The following PKNOX2 variants were observed in gnomAD, a reference collection of about 807,000 sequenced individuals.
PKNOX2 encodes homeobox protein PKNOX2.
A neutral mutation model predicts 53.1 loss-of-function variants in PKNOX2; 14 were observed. The ratio of observed to expected loss-of-function variants is 0.26; its 90% confidence interval spans 0.17 to 0.41. The LOEUF is 0.41. PKNOX2 is among the 10% of genes least tolerant of loss of function. The pLI is 1.00. For missense variants in PKNOX2, 496 were observed against 602.8 expected (o/e 0.82, Z 1.85); for synonymous variants, 257 against 242.8 (o/e 1.06, Z -0.54).
chr11:125,298,222 G>A (rs919578910), intron 2 of PKNOX2, among the ~76,000 whole-genome samples: 2 of 152,194 alleles, frequency 1.3e-5, no homozygotes, highest in African/African-American at 4.8e-5. Flanking sequence ...TTCAGACAGG[G>A]GTAGATGAAG....
intron 6 of PKNOX2, among the ~76,000 whole-genome samples, chr11:125,396,648 A>G (rs1954422778): frequency 6.6e-6 from 1 of 152,086 alleles, no homozygotes; most frequent in Non-Finnish European, 1.5e-5. Flanking sequence ...AAATTGAAAA[A>G]TTGGAAGTAA....
At position 125,177,065 on chromosome 11, in the gene PKNOX2, C is replaced by T. The variant is rs182270117; in HGVS notation, c.-201+12289C>T. On this transcript the variant is annotated intron_variant, in intron 1 of 12. Coordinates refer to ENST00000298282, the MANE Select transcript of PKNOX2 (RefSeq NM_001382323.2). ...AAGCCCTCGTGGGCAGCAGCTGTGA[C>T]GGGGGTAGAAATGACTCAGCCCATT... 8.1e-4 allele frequency among the ~76,000 whole-genome samples: 123 copies of T among 152,296 alleles called. 1 individual carries two copies. The highest frequency in any genetic ancestry group is 2.6e-3 in the African/African-American group (108 of 41,562).
At chr11:125,250,604 A>G (rs1943924868) in intron 2 of PKNOX2, among the ~76,000 whole-genome samples, 2 of 152,178 alleles carry the variant, frequency 1.3e-5, no homozygotes, top group Non-Finnish European at 2.9e-5. Context: ...GAAAACAGAG[A>G]GAGGTCAGGA....
rs1952466413 is a variant in PKNOX2, at chr11:125,370,510, T to G, written c.227+2525T>G. Among the ~76,000 whole-genome samples, 1 of 152,202 alleles carries G rather than the reference T, an allele frequency of 6.6e-6. No individual in the cohort carries two copies. Among genetic ancestry groups the G allele is most frequent in the Non-Finnish European group, 1.5e-5 (1 of 68,038 alleles). On this transcript the variant is annotated intron_variant, in intron 5 of 12. Coordinates refer to ENST00000298282, the MANE Select transcript of PKNOX2 (RefSeq NM_001382323.2). The surrounding 1 kb of genome is among the most constrained non-coding windows in gnomAD (Gnocchi z 4.1). ...CGGGCTAACCACCCGCAACCCTTGG[T>G]GTTTGCCCAAAGTATGTCTGCAGCT... is the stretch of plus-strand genomic sequence containing the variant.
intron 1 of PKNOX2, among the ~76,000 whole-genome samples, chr11:125,207,660 C>T (rs112590947): frequency 0.01 from 1,557 of 152,130 alleles, 25 homozygotes; most frequent in African/African-American, 0.035. Context: ...AGTATTCCTT[C>T]GCTTGTCGGC....
chr11:125,186,985 C>T (rs113511819), intron 1 of PKNOX2, among the ~76,000 whole-genome samples: 2,013 of 152,286 alleles, frequency 0.013, 40 homozygotes, highest in African/African-American at 0.045. Flanking sequence ...CCCCATTGAA[C>T]GGACTTGCCA....
intron 2 of PKNOX2, among the ~76,000 whole-genome samples, chr11:125,315,108 T>C (rs1375100448): frequency 6.6e-6 from 1 of 152,024 alleles, no homozygotes; most frequent in East Asian, 1.9e-4. Context: ...GGCTGAAGCC[T>C]GCTCAGAGGG....
intron 5 of PKNOX2, among the ~76,000 whole-genome samples, chr11:125,383,433 TC>T (rs1953388730): frequency 8.8e-6 from 1 of 113,156 alleles, no homozygotes; most frequent in Admixed American, 9.9e-5. Flanking sequence ...AGTGGTGAAA[TC>T]CCCTCTCTGC....
At chr11:125,187,247 A>G (rs1221492741) in intron 1 of PKNOX2, among the ~76,000 whole-genome samples, 2 of 152,092 alleles carry the variant, frequency 1.3e-5, no homozygotes, top group Non-Finnish European at 2.9e-5. Context: ...TTTTTTTTCA[A>G]GAGACTGTGG....
chr11:125,338,545 C>T (rs1950534236), intron 3 of PKNOX2, among the ~76,000 whole-genome samples: 1 of 152,180 alleles, frequency 6.6e-6, no homozygotes, highest in Non-Finnish European at 1.5e-5. Context: ...GAGCAGACAT[C>T]TCACATGCAG....
chr11:125,214,056 G>A (rs2135462827), intron 1 of PKNOX2, among the ~76,000 whole-genome samples: 1 of 152,176 alleles, frequency 6.6e-6, no homozygotes, highest in African/African-American at 2.4e-5. Flanking sequence ...GTGGGCAAAT[G>A]ATAGGAATGA....
intron 2 of PKNOX2, among the ~76,000 whole-genome samples, chr11:125,269,516 G>A (rs1945625337): frequency 6.6e-6 from 1 of 152,148 alleles, no homozygotes; most frequent in South Asian, 2.1e-4. Flanking sequence ...TAATGCCAGG[G>A]CTGAGGAATC....
intron 2 of PKNOX2, among the ~76,000 whole-genome samples, chr11:125,239,295 G>T (rs1481583108): frequency 6.6e-6 from 1 of 152,224 alleles, no homozygotes; most frequent in East Asian, 1.9e-4. Flanking sequence ...GTATACTGCT[G>T]CAGAGGAGCT....
rs1948433858 is a variant in PKNOX2, at chr11:125,306,086, C to T, written c.-129-25733C>T. Among the ~76,000 whole-genome samples the T allele has an allele frequency of 2.6e-5, 4 of 152,196 alleles. No homozygotes were observed. The South Asian group carries it at 8.3e-4, about 32-fold the overall frequency. ...AAGGTGAGCCCCAAAAGTGGCTCTA[C>T]CAGGGGCCTCTCCCCTCACCCAGGA... On this transcript the variant is annotated intron_variant, in intron 2 of 12. Coordinates refer to ENST00000298282, the MANE Select transcript of PKNOX2 (RefSeq NM_001382323.2).
At chr11:125,207,005 A>G (rs1350558624) in intron 1 of PKNOX2, among the ~76,000 whole-genome samples, 3 of 117,680 alleles carry the variant, frequency 2.5e-5, no homozygotes, top group Non-Finnish European at 3.5e-5. Context: ...AACTAGGTAG[A>G]AGGAAAAATC....
intron 2 of PKNOX2, among the ~76,000 whole-genome samples, chr11:125,322,990 A>G (rs1949614093): frequency 1.3e-5 from 2 of 152,178 alleles, no homozygotes; most frequent in Non-Finnish European, 2.9e-5. Context: ...TCTTATTAAC[A>G]CTGGACCAAG....
intron 6 of PKNOX2, among the ~76,000 whole-genome samples, chr11:125,390,638 GTTA>G (rs1194624559): frequency 1.3e-5 from 2 of 152,222 alleles, no homozygotes; most frequent in Non-Finnish European, 2.9e-5. Context: ...TGAAGTAGTT[GTTA>G]TTATCCCCAT....
chr11:125,418,009 C>T (rs936741380), intron 10 of PKNOX2, among the ~76,000 whole-genome samples: 6 of 152,146 alleles, frequency 3.9e-5, no homozygotes, highest in African/African-American at 7.2e-5. Flanking sequence ...ACATAATTCA[C>T]GTACCATAAA....
At chr11:125,199,251 G>A (rs1013647167) in intron 1 of PKNOX2, among the ~76,000 whole-genome samples, 1 of 152,036 alleles carries the variant, frequency 6.6e-6, no homozygotes, top group Admixed American at 6.6e-5. Context: ...CAGTCCCTCT[G>A]AGAGCTCCCC....
Sources: allele counts gnomAD v4.1 joint callset (sites outside exome capture counted in the v4.1 genomes callset), GRCh38; gene constraint gnomAD v4.1.1; non-coding constraint Gnocchi (gnomAD v3.1); transcripts MANE v1.5; gene names NCBI Gene and HGNC (gene_info 2026-07-23, HGNC 2026-07-21).